ONECUT1: variants seen among roughly 807,000 people sequenced by gnomAD.
ONECUT1 encodes the protein one cut homeobox 1.
In ONECUT1, 12 loss-of-function variants were observed where a neutral mutation model predicts 25.6. That is an observed-to-expected ratio of 0.47 (90% CI 0.30 to 0.76). ONECUT1 has a LOEUF of 0.76. Among genes scored for constraint, ONECUT1 ranks in the 30% least tolerant of loss-of-function variants. ONECUT1 has a pLI of 0.07. For missense variants in ONECUT1, 620 were observed against 651.2 expected (o/e 0.95, Z 0.52); for synonymous variants, 285 against 270.2 (o/e 1.05, Z -0.54).
At chr15:52,760,571 C>A (rs1214619632) in intron 1 of ONECUT1, among the ~76,000 whole-genome samples, 1 of 152,044 alleles carries the variant, frequency 6.6e-6, no homozygotes, top group Non-Finnish European at 1.5e-5. Flanking sequence ...CTCAGATGGG[C>A]CCTAAAGGAT....
At position 52,788,064 on chromosome 15, in the gene ONECUT1, G is replaced by T. The variant is rs1438321760; in HGVS notation, c.1105+716C>A. 6.6e-6 allele frequency: 1 copy of T among 152,270 alleles called. No homozygotes were observed. The highest frequency in any genetic ancestry group is 2.4e-5 in the African/African-American group (1 of 41,468). 9.4% of individuals were successfully genotyped at this position (152,270 alleles called of 1,614,324 possible). On this transcript the variant is annotated intron_variant, in intron 1 of 1. Transcript: ENST00000305901. The surrounding 1 kb of genome is among the most constrained non-coding windows in gnomAD (Gnocchi z 4.3). The stretch of plus-strand genomic sequence containing the variant: ...CAAAGTCCTCAGGGAGTCGGCAGCG[G>T]AGTCGGTCCCAGGACATGGCTATTG...
At chr15:52,778,473 C>T (rs1431466198) in intron 1 of ONECUT1, among the ~76,000 whole-genome samples, 2 of 152,226 alleles carry the variant, frequency 1.3e-5, no homozygotes, top group Non-Finnish European at 2.9e-5. Context: ...ATATGTAGGT[C>T]CAGGTTGAGA....
At chr15:52,764,409 G>A (rs1187865429) in intron 1 of ONECUT1, among the ~76,000 whole-genome samples, 1 of 152,196 alleles carries the variant, frequency 6.6e-6, no homozygotes, top group Non-Finnish European at 1.5e-5. Context: ...GTACCATTTT[G>A]TGAGGTGAGA....
intron 1 of ONECUT1, among the ~76,000 whole-genome samples, chr15:52,758,058 G>A (rs1349560051): frequency 6.6e-6 from 1 of 152,170 alleles, no homozygotes; most frequent in Non-Finnish European, 1.5e-5. Flanking sequence ...CCTGGGCATG[G>A]GTTGTGGCTT....
chr15:52,789,522 C>T lies in ONECUT1; in HGVS notation c.363G>A (p.Lys121=). 3 of 1,607,914 alleles carry T rather than the reference C, an allele frequency of 1.9e-6. No homozygotes were observed. The highest frequency in any genetic ancestry group is 2.5e-6 in the Non-Finnish European group (3 of 1,177,168). ...PLPPISTVSD[K]FPHHHHHHHH... is the part of the protein sequence containing the mutation. Reference sequence around the variant, plus strand: ...GGTGGTGGTGGTGATGGTGGGGGAACTTGTCCGAGACTGTGGAGATGGGAG... The same window carrying T: ...GGTGGTGGTGGTGATGGTGGGGGAATTTGTCCGAGACTGTGGAGATGGGAG... Residue 121 remains lysine (K), a synonymous_variant, in exon 1 of 2, where the codon AAG becomes AAA. Transcript: ENST00000305901. The surrounding 1 kb of genome is among the most constrained non-coding windows in gnomAD (Gnocchi z 4.1).
At chr15:52,783,368 G>C (rs2083853127) in intron 1 of ONECUT1, among the ~76,000 whole-genome samples, 1 of 152,228 alleles carries the variant, frequency 6.6e-6, no homozygotes, top group South Asian at 2.1e-4. Flanking sequence ...TATATTCCCG[G>C]CTGGGCCTAG....
rs1417145065 is a variant in ONECUT1 at position 52,755,542 on chromosome 15, A to G, written c.*2013T>C. On this transcript the variant is annotated 3_prime_UTR_variant, in exon 2 of 2. Coordinates refer to ENST00000305901, the MANE Select transcript of ONECUT1 (RefSeq NM_004498.4). ...ATTCGACAGCAGACATGAAGGAGAC[A>G]CAGATAGATGGCTTGTTGGTTTTGC... Among the ~76,000 whole-genome samples, 2 of 152,208 alleles carry G rather than the reference A, an allele frequency of 1.3e-5. No homozygotes were observed. Among genetic ancestry groups the G allele is most frequent in the African/African-American group, 4.8e-5 (2 of 41,458 alleles).
intron 1 of ONECUT1, among the ~76,000 whole-genome samples, chr15:52,769,158 C>G (rs574940949): frequency 6.6e-6 from 1 of 152,182 alleles, no homozygotes; most frequent in African/African-American, 2.4e-5. Context: ...TTCTGCTAAG[C>G]CTTCTCCATC....
chr15:52,789,223 T>A lies in ONECUT1; in HGVS notation c.662A>T (p.His221Leu). 6.4e-7 allele frequency: 1 copy of A among 1,558,726 alleles called. No homozygotes were observed. Among genetic ancestry groups the A allele is most frequent in the Non-Finnish European group, 8.7e-7 (1 of 1,154,778 alleles). The change falls in exon 1 of 2, where the codon CAC (histidine) becomes CTC (leucine). Residue 221 changes from histidine (H) to leucine (L), a missense_variant. His to Leu is a moderately conservative substitution (Grantham distance 99, BLOSUM62 -3). Around this residue, in one of 4 missense-constraint regions of ONECUT1, gnomAD observed 440 missense variants for 404.9 expected, o/e 1.09. Transcript: ENST00000305901. The surrounding 1 kb of genome is among the most constrained non-coding windows in gnomAD (Gnocchi z 4.1). ...KMLTPNGFEA[H>L]HPAMLGRHGE... is the part of the protein sequence containing the mutation. Reference sequence around the variant, plus strand: ...GTGGCGGCCGAGCATGGCCGGGTGGTGGGCTTCGAAGCCGTTGGGGGTGAG... The same window carrying A: ...GTGGCGGCCGAGCATGGCCGGGTGGAGGGCTTCGAAGCCGTTGGGGGTGAG...
Position 52,790,078 on chromosome 15 carries a change from T to A in ONECUT1, c.-194A>T. On this transcript the variant is annotated 5_prime_UTR_variant, in exon 1 of 2. Coordinates refer to ENST00000305901, the MANE Select transcript of ONECUT1 (RefSeq NM_004498.4). ...GTGTGTGCGTGTGCGTGTGTGTGTG[T>A]GTGTGTGTCTCGCCTTCCCTCTTAC... The A allele has an allele frequency of 2.6e-6, 2 of 761,108 alleles. No homozygotes were observed. Among genetic ancestry groups the A allele is most frequent in the Non-Finnish European group, 3.6e-6 (2 of 552,686 alleles). 47.1% of individuals were successfully genotyped at this position (761,108 alleles called of 1,614,324 possible).
chr15:52,758,532 CTCT>C (rs2141443982), intron 1 of ONECUT1, among the ~76,000 whole-genome samples: 1 of 152,268 alleles, frequency 6.6e-6, no homozygotes, highest in African/African-American at 2.4e-5. Context: ...GTGTGAACCG[CTCT>C]TCTTCGACAT....
intron 1 of ONECUT1, among the ~76,000 whole-genome samples, chr15:52,777,732 ACACAC>A (rs1596053634): frequency 6.2e-5 from 8 of 128,570 alleles, no homozygotes; most frequent in South Asian, 5.0e-4. Flanking sequence ...ACACACACAC[ACACAC>A]AAAAAAACAT....
chr15:52,757,439 CT>C lies in ONECUT1; in HGVS notation c.*115del, dbSNP rs1005374338. 16 of 1,207,522 alleles carry C rather than the reference CT, an allele frequency of 1.3e-5. No homozygotes were observed. The highest frequency in any genetic ancestry group is 3.2e-5 in the South Asian group (2 of 62,838). 74.8% of individuals were successfully genotyped at this position (1,207,522 alleles called of 1,614,324 possible). On this transcript the variant is annotated 3_prime_UTR_variant, in exon 2 of 2. Coordinates refer to ENST00000305901, the MANE Select transcript of ONECUT1 (RefSeq NM_004498.4). ...TGGTTTCTTTGGACTATAAATAACG[CT>C]TTTTTTTCTTCAAATATTTCTAAGT...
At chr15:52,772,610 G>A (rs1288097035) in intron 1 of ONECUT1, among the ~76,000 whole-genome samples, 1 of 152,132 alleles carries the variant, frequency 6.6e-6, no homozygotes, top group Non-Finnish European at 1.5e-5. Flanking sequence ...TGGAAGGGAG[G>A]GAGCTGTGGG....
Position 52,789,949 on chromosome 15 carries a change from G to C in ONECUT1, c.-65C>G, listed in dbSNP as rs1320295884. On this transcript the variant is annotated 5_prime_UTR_variant, in exon 1 of 2. Coordinates refer to ENST00000305901, the MANE Select transcript of ONECUT1 (RefSeq NM_004498.4). The surrounding 1 kb of genome is among the most constrained non-coding windows in gnomAD (Gnocchi z 4.1). ...TGGCCAGGCAGAGGCGGCGAGGGGCGCACGGAGTCCGGTCTTCACATCGGC... is the reference window on the plus strand; with the variant it reads ...TGGCCAGGCAGAGGCGGCGAGGGGCCCACGGAGTCCGGTCTTCACATCGGC... 1 of 1,463,938 alleles carries C rather than the reference G, an allele frequency of 6.8e-7. No individual in the cohort carries two copies. Among genetic ancestry groups the C allele is most frequent in the Non-Finnish European group, 9.0e-7 (1 of 1,116,452 alleles). The allele number at this position is 1,463,938 out of a possible 1,614,324, so 90.7% of individuals were successfully genotyped here. A position where few individuals can be genotyped will look rare whatever the true frequency, so the allele number is the denominator to read the frequency against.
At chr15:52,776,750 C>T (rs552849291) in intron 1 of ONECUT1, among the ~76,000 whole-genome samples, 53 of 152,296 alleles carry the variant, frequency 3.5e-4, no homozygotes, top group African/African-American at 1.2e-3. Flanking sequence ...CTTCAGGATA[C>T]AATAAACACC....
At chr15:52,763,155 G>T (rs1566989011) in intron 1 of ONECUT1, among the ~76,000 whole-genome samples, 1 of 146,400 alleles carries the variant, frequency 6.8e-6, no homozygotes, top group Non-Finnish European at 1.6e-5. Flanking sequence ...GGCCATTGTT[G>T]GTGAAAGGTA....
rs2083904365 is a variant in ONECUT1, at chr15:52,789,592, C to A, written c.293G>T (p.Ser98Ile). The stretch of plus-strand genomic sequence containing the variant: ...CAAGGTGGTGTAGGTGGTGGGCATG[C>A]TCATACCTGGGGGAGTCTCGCAGGC... ...TMACETPPGM[S>I]MPTTYTTLTP... Residue 98 changes from serine (S) to isoleucine (I), a missense_variant, in exon 1 of 2, where the codon AGC becomes ATC. Transcript: ENST00000305901. The surrounding 1 kb of genome is among the most constrained non-coding windows in gnomAD (Gnocchi z 4.1). 6.4e-7 allele frequency: 1 copy of A among 1,574,700 alleles called. No homozygotes were observed. The highest frequency in any genetic ancestry group is 1.3e-5 in the African/African-American group (1 of 74,178).
At chr15:52,771,829 A>G (rs980986480) in intron 1 of ONECUT1, among the ~76,000 whole-genome samples, 1 of 152,200 alleles carries the variant, frequency 6.6e-6, no homozygotes, top group Non-Finnish European at 1.5e-5. Flanking sequence ...TGCTCCTAGG[A>G]CAGTATTTTA....
Sources: allele counts gnomAD v4.1 joint callset (sites outside exome capture counted in the v4.1 genomes callset), GRCh38; gene constraint gnomAD v4.1.1; regional missense constraint gnomAD v4.1.1; non-coding constraint Gnocchi (gnomAD v3.1); transcripts MANE v1.5; gene names NCBI Gene and HGNC (gene_info 2026-07-23, HGNC 2026-07-21).